PHF24: variants seen among roughly 807,000 people sequenced by gnomAD.
The protein encoded by PHF24 is Galpha inhibitory interacting protein.
A neutral mutation model predicts 42.6 loss-of-function variants in PHF24; 25 were observed. That is an observed-to-expected ratio of 0.59 (90% CI 0.43 to 0.82). The LOEUF (loss-of-function observed/expected upper bound fraction) is 0.82, where lower values mean the gene tolerates loss of function less well. PHF24 is among the 40% of genes least tolerant of loss of function. The pLI is 0.00. For missense variants in PHF24, 470 were observed against 538.1 expected, an observed-to-expected ratio of 0.87 and a Z score of 1.25; for synonymous variants, 185 against 204.8, an observed-to-expected ratio of 0.90 and a Z score of 0.83.
chr9:34,792,108 A>G, the PHF24 span, among the ~76,000 whole-genome samples: 1 of 152,240 alleles, frequency 6.6e-6, no homozygotes, highest in Non-Finnish European at 1.5e-5. Context: ...TTAAATAATC[A>G]TGTGACATAT....
chr9:34,846,114 C>T, the PHF24 span, among the ~76,000 whole-genome samples: 1 of 152,096 alleles, frequency 6.6e-6, no homozygotes, highest in Non-Finnish European at 1.5e-5. Flanking sequence ...GGTATATACC[C>T]AGTAATGGGA....
At chr9:34,787,902 C>G in the PHF24 span, among the ~76,000 whole-genome samples, 1 of 152,066 alleles carries the variant, frequency 6.6e-6, no homozygotes, top group African/African-American at 2.4e-5. Flanking sequence ...CCATTTCCTC[C>G]CTTAGTTTAG....
chr9:34,801,609 C>T, the PHF24 span, among the ~76,000 whole-genome samples: 1 of 152,058 alleles, frequency 6.6e-6, no homozygotes, highest in African/African-American at 2.4e-5. Flanking sequence ...CACCTGTAGT[C>T]CCAGCTACTC....
chr9:34,962,556 A>G (rs998726105), intron 1 of PHF24, among the ~76,000 whole-genome samples: 6 of 152,216 alleles, frequency 3.9e-5, no homozygotes, highest in African/African-American at 1.4e-4. Flanking sequence ...CCTGACGCAT[A>G]GTAGGCTGTA....
At chr9:34,922,726 C>T in the PHF24 span, 1 of 1,575,708 alleles carries the variant, frequency 6.3e-7, no homozygotes, top group African/African-American at 1.3e-5. Flanking sequence ...GTCTTTTGTT[C>T]AATACTTGAG....
At chr9:34,671,957 A>G in the PHF24 span, among the ~76,000 whole-genome samples, 7,684 of 152,012 alleles carry the variant, frequency 0.051, 473 homozygotes, top group African/African-American at 0.14. Context: ...GTTCATCTGT[A>G]TGTTCAACCA....
chr9:34,784,920 G>C, the PHF24 span, among the ~76,000 whole-genome samples: 1 of 152,160 alleles, frequency 6.6e-6, no homozygotes, highest in Non-Finnish European at 1.5e-5. Context: ...AAATATTTCA[G>C]CTGTTTCACA....
chr9:34,966,502 T>C (rs1302964048), intron 1 of PHF24, among the ~76,000 whole-genome samples: 3 of 152,060 alleles, frequency 2.0e-5, no homozygotes, highest in African/African-American at 7.2e-5. Flanking sequence ...AAATTATCAA[T>C]CATGACCTGT....
At chr9:34,806,350 G>A in the PHF24 span, among the ~76,000 whole-genome samples, 1 of 152,036 alleles carries the variant, frequency 6.6e-6, no homozygotes, top group Non-Finnish European at 1.5e-5. Flanking sequence ...TGAAAATGGG[G>A]TTTAAAAAAA....
the PHF24 span, among the ~76,000 whole-genome samples, chr9:34,715,441 C>T: frequency 8.5e-5 from 13 of 152,276 alleles, no homozygotes; most frequent in Non-Finnish European, 1.9e-4. Context: ...GATTTGGAGC[C>T]TGCAGCTTTG....
chr9:34,853,149 T>G, the PHF24 span, among the ~76,000 whole-genome samples: 1 of 152,198 alleles, frequency 6.6e-6, no homozygotes, highest in Non-Finnish European at 1.5e-5. Context: ...AGTACCTAGT[T>G]TATTGAGAGT....
chr9:34,937,129 A>AG, the PHF24 span, among the ~76,000 whole-genome samples: 1 of 148,500 alleles, frequency 6.7e-6, no homozygotes, highest in Non-Finnish European at 1.5e-5. Context: ...CTGCCCGGCC[A>AG]CCACCCCGTC....
the PHF24 span, among the ~76,000 whole-genome samples, chr9:34,821,376 T>A: frequency 6.6e-6 from 1 of 152,358 alleles, no homozygotes; most frequent in East Asian, 1.9e-4. Flanking sequence ...ATCTTTGTGA[T>A]GATTTTGTAA....
chr9:34,863,836 A>G, the PHF24 span, among the ~76,000 whole-genome samples: 1 of 152,384 alleles, frequency 6.6e-6, no homozygotes, highest in African/African-American at 2.4e-5. Context: ...AAACAGAGAT[A>G]TGTGATCTTT....
the PHF24 span, among the ~76,000 whole-genome samples, chr9:34,685,973 TC>T: frequency 6.6e-6 from 1 of 152,220 alleles, no homozygotes; most frequent in African/African-American, 2.4e-5. Context: ...TAGTTGTCTA[TC>T]CTGGGCAGGC....
chr9:34,946,556 G>A, the PHF24 span, among the ~76,000 whole-genome samples: 4 of 152,288 alleles, frequency 2.6e-5, no homozygotes, highest in Middle Eastern at 3.4e-3. Context: ...TATAGATCGA[G>A]ATTTCTAGTT....
At chr9:34,944,621 A>T in the PHF24 span, among the ~76,000 whole-genome samples, 3 of 152,236 alleles carry the variant, frequency 2.0e-5, no homozygotes, top group African/African-American at 7.2e-5. Flanking sequence ...CAAAGCATTC[A>T]TCCAGATGTC....
rs757849348 is a variant in PHF24, at chr9:34,977,388, C to T, written c.1010+145C>T. 52 of 1,202,742 alleles carry T rather than the reference C, an allele frequency of 4.3e-5. 1 individual carries two copies. The highest frequency in any genetic ancestry group is 1.0e-4 in the South Asian group (7 of 69,068). 74.5% of individuals were successfully genotyped at this position (1,202,742 alleles called of 1,614,324 possible). Reference sequence around the variant, plus strand: ...ATTAGGTAGAGGATGGTGATGCCTACGGGCCAGGGCATAGGACAGCCTCTG... The same window carrying T: ...ATTAGGTAGAGGATGGTGATGCCTATGGGCCAGGGCATAGGACAGCCTCTG... On this transcript the variant is annotated intron_variant, in intron 6 of 7. Coordinates refer to ENST00000242315, the Ensembl canonical transcript of PHF24.
the PHF24 span, among the ~76,000 whole-genome samples, chr9:34,699,378 C>T: frequency 5.3e-5 from 8 of 152,308 alleles, no homozygotes; most frequent in South Asian, 1.7e-3. Context: ...TCTCAGTGGG[C>T]AGAATTTGGG....
Sources: gnomAD v4.1 joint callset for allele counts (sites outside exome capture counted in the v4.1 genomes callset) on GRCh38, gnomAD v4.1.1 for gene constraint, MANE v1.5 for transcripts, NCBI Gene and HGNC (gene_info 2026-07-23, HGNC 2026-07-21) for gene names.